DNAH6: variants seen among roughly 807,000 people sequenced by gnomAD.
DNAH6 encodes axonemal beta dynein heavy chain 6.
In DNAH6, 340 loss-of-function variants were observed where a neutral mutation model predicts 491.4. That is an observed-to-expected ratio of 0.69 (90% confidence interval 0.63 to 0.76). The LOEUF (loss-of-function observed/expected upper bound fraction) is 0.76, where lower values mean the gene tolerates loss of function less well. DNAH6 is among the 30% of genes least tolerant of loss of function. The pLI is 0.00. For missense variants in DNAH6, 4,443 were observed against 4,972.2 expected (o/e 0.89, Z 3.20); for synonymous variants, 1,603 against 1,686.1 (o/e 0.95, Z 1.21).
At chr2:84,774,756 A>C (rs1675969688) in intron 64 of DNAH6, among the ~76,000 whole-genome samples, 2 of 151,900 alleles carry the variant, frequency 1.3e-5, no homozygotes, top group Non-Finnish European at 2.9e-5. Context: ...CCTTGTAGAG[A>C]TCTTTCACCT....
rs1164654141 is a variant in DNAH6, at chr2:84,794,440, T to C, written c.11240-1866T>C. ...TGCAACCTACTCATCTGACAAAGGG[T>C]TAATATCCAGAATCTACAATGAACT... On this transcript the variant is annotated intron_variant, in intron 68 of 76. Transcript: ENST00000389394. Among the ~76,000 whole-genome samples, 18 of 150,870 alleles carry C rather than the reference T, an allele frequency of 1.2e-4. 1 individual carries two copies. The East Asian group carries it at 2.9e-3, about 24-fold the overall frequency.
In DNAH6 at chr2:84,812,324, CT is replaced by C; in HGVS notation, c.11740-11del. 6.5e-7 allele frequency: 1 copy of C among 1,549,430 alleles called. No homozygotes were observed. On this transcript the variant is annotated splice_polypyrimidine_tract_variant and intron_variant, in intron 72 of 76. Coordinates refer to ENST00000389394, the MANE Select transcript of DNAH6 (RefSeq NM_001370.2). ...TGACATCTGCAAAGGCCACCAACCC[CT>C]TTTTTGTTCTTTCAGACTTCTCTGG...
intron 72 of DNAH6, among the ~76,000 whole-genome samples, chr2:84,809,742 G>A (rs924907151): frequency 6.6e-6 from 1 of 152,160 alleles, no homozygotes; most frequent in African/African-American, 2.4e-5. Context: ...GGCTCTTCCA[G>A]TCTCAACAGA....
At chr2:84,725,654 A>G (rs1374592589) in intron 60 of DNAH6, among the ~76,000 whole-genome samples, 2 of 152,238 alleles carry the variant, frequency 1.3e-5, no homozygotes, top group South Asian at 2.1e-4. Flanking sequence ...TCTTGGGCTG[A>G]AAGTAAAAGT....
intron 46 of DNAH6, among the ~76,000 whole-genome samples, chr2:84,697,091 T>C (rs562564931): frequency 7.2e-5 from 11 of 152,202 alleles, no homozygotes; most frequent in Non-Finnish European, 1.3e-4. Flanking sequence ...TGCATTTAAT[T>C]GGTAATCTCA....
intron 42 of DNAH6, among the ~76,000 whole-genome samples, chr2:84,684,413 A>G (rs558164985): frequency 2.0e-5 from 3 of 152,322 alleles, no homozygotes; most frequent in East Asian, 1.9e-4. Context: ...GGAAATTCCA[A>G]TGTTGAATCT....
chr2:84,735,022 AAGC>A (rs947449860), intron 62 of DNAH6, among the ~76,000 whole-genome samples: 1 of 152,106 alleles, frequency 6.6e-6, no homozygotes, highest in African/African-American at 2.4e-5. Flanking sequence ...AGTACTCAAT[AAGC>A]AGGTTTTCAA....
chr2:84,656,067 C>G (rs1011786920), intron 35 of DNAH6, among the ~76,000 whole-genome samples: 2 of 152,116 alleles, frequency 1.3e-5, no homozygotes, highest in African/African-American at 4.8e-5. Flanking sequence ...ATAGCCTTTT[C>G]AGACTGGCTT....
chr2:84,792,463 A>G (rs1559046712), intron 68 of DNAH6, among the ~76,000 whole-genome samples: 2 of 152,232 alleles, frequency 1.3e-5, no homozygotes, highest in Admixed American at 6.5e-5. Context: ...TTGTGGAGAT[A>G]GCAACATAAG....
chr2:84,628,009 C>T (rs1400458286), intron 29 of DNAH6, among the ~76,000 whole-genome samples: 2 of 152,158 alleles, frequency 1.3e-5, no homozygotes, highest in Non-Finnish European at 2.9e-5. Flanking sequence ...AACTCCTTGG[C>T]ATTGAGAACT....
At chr2:84,716,256 A>T (rs1251090880) in intron 58 of DNAH6, among the ~76,000 whole-genome samples, 3 of 151,068 alleles carry the variant, frequency 2.0e-5, no homozygotes, top group African/African-American at 7.3e-5. Context: ...AATATTAATC[A>T]TCAGAATTAG....
chr2:84,669,825 G>A (rs1244259085), intron 38 of DNAH6, among the ~76,000 whole-genome samples: 1 of 152,152 alleles, frequency 6.6e-6, no homozygotes, highest in East Asian at 1.9e-4. Context: ...TTGGGCAGAG[G>A]AGTTTGCATG....
At chr2:84,506,729 G>A in the DNAH6 span, among the ~76,000 whole-genome samples, 4 of 152,210 alleles carry the variant, frequency 2.6e-5, no homozygotes, top group Non-Finnish European at 4.4e-5. Context: ...TAACCATCTT[G>A]AATTAATTTT....
intron 53 of DNAH6, 129 bp downstream of exon 53, chr2:84,707,148 C>T (rs553705970): frequency 1.8e-4 from 185 of 1,049,176 alleles, no homozygotes; most frequent in Non-Finnish European, 2.3e-4. Context: ...CTCCTAGGAT[C>T]AAATAAGAAC....
At chr2:84,468,166 T>C in the DNAH6 span, among the ~76,000 whole-genome samples, 3 of 152,260 alleles carry the variant, frequency 2.0e-5, no homozygotes, top group African/African-American at 7.2e-5. Flanking sequence ...AGTTTTTATT[T>C]AACTTTCAAA....
chr2:84,478,787 A>C, the DNAH6 span, among the ~76,000 whole-genome samples: 1 of 152,188 alleles, frequency 6.6e-6, no homozygotes, highest in East Asian at 1.9e-4. Flanking sequence ...AATTGGGCCA[A>C]GATGCTCAGA....
chr2:84,682,725 A>G (rs916152907), intron 42 of DNAH6, among the ~76,000 whole-genome samples: 2 of 152,066 alleles, frequency 1.3e-5, no homozygotes, highest in African/African-American at 4.8e-5. Flanking sequence ...TGACAGCTTT[A>G]TTTTCAGAAT....
At position 84,670,438 on chromosome 2, in the gene DNAH6, T is replaced by G; in HGVS notation, c.6417T>G (p.Ile2139Met). 6.5e-7 allele frequency: 1 copy of G among 1,544,384 alleles called. No individual in the cohort carries two copies. Residue 2139 changes from isoleucine to methionine, a missense_variant, in exon 39 of 77, where the codon ATT becomes ATG. Ile to Met is a conservative substitution (Grantham distance 10, BLOSUM62 1). Transcript: ENST00000389394. Reference protein sequence around the residue: ...QTSSARTQEIIESKLERKRKN... With the variant: ...QTSSARTQEIMESKLERKRKN... ...CATCTGCAAGGACACAAGAGATCAT[T>G]GAGTCAAAACTGGAGAGAAAAAGAA...
upstream of DNAH6, among the ~76,000 whole-genome samples, chr2:84,513,082 G>A (rs989663021): frequency 6.7e-6 from 1 of 149,198 alleles, no homozygotes; most frequent in Non-Finnish European, 1.5e-5. Flanking sequence ...ATTTTTTTAA[G>A]TGTACCATTT....
Sources: gnomAD v4.1 joint callset for allele counts (sites outside exome capture counted in the v4.1 genomes callset) on GRCh38, gnomAD v4.1.1 for gene constraint, MANE v1.5 for transcripts, NCBI Gene and HGNC (gene_info 2026-07-23, HGNC 2026-07-21) for gene names.